The following DAB1 variants were observed in gnomAD, a reference collection of about 807,000 sequenced individuals.
DAB1 encodes disabled homolog 1.
A neutral mutation model predicts 64.6 loss-of-function variants in DAB1; 15 were observed. The observed-to-expected ratio is 0.23, with a 90% confidence interval of 0.16 to 0.36. DAB1 has a LOEUF of 0.36. DAB1 is among the 10% of genes least tolerant of loss of function. The pLI is 1.00. For synonymous variants in DAB1, 235 were observed against 251.9 expected, an observed-to-expected ratio of 0.93 and a Z score of 0.64; for missense variants, 596 against 706.7, an observed-to-expected ratio of 0.84 and a Z score of 1.78.
chr1:57,347,462 A>T (rs555929447), intron 1 of DAB1, among the ~76,000 whole-genome samples: 22 of 152,222 alleles, frequency 1.4e-4, no homozygotes, highest in Middle Eastern at 6.8e-3. Context: ...AGCTCTGTAA[A>T]CTCTAATTTG....
chr1:58,434,049 T>C (rs1266527930), intron 3 of DAB1, among the ~76,000 whole-genome samples: 1 of 151,854 alleles, frequency 6.6e-6, no homozygotes, highest in Non-Finnish European at 1.5e-5. Context: ...AGAGGTGACA[T>C]CAAAAAGAGA....
At chr1:58,166,330 GCTAAGCTCCAGGCAACCA>G (rs912306062) in intron 4 of DAB1, among the ~76,000 whole-genome samples, 2 of 152,094 alleles carry the variant, frequency 1.3e-5, no homozygotes, top group African/African-American at 4.8e-5. Context: ...CTGTTCCCAC[GCTAAGCTCCAGGCAACCA>G]CTAATCTACC....
chr1:58,226,363 A>C (rs535207534), intron 4 of DAB1, among the ~76,000 whole-genome samples: 1 of 152,096 alleles, frequency 6.6e-6, no homozygotes, highest in Admixed American at 6.5e-5. Context: ...CAGCCCTTAA[A>C]GGTAGACATT....
intron 5 of DAB1, among the ~76,000 whole-genome samples, chr1:58,052,674 A>G (rs1168104116): frequency 1.3e-5 from 2 of 152,202 alleles, no homozygotes; most frequent in African/African-American, 4.8e-5. Context: ...CTTCCTATCC[A>G]TAAGCATGGA....
At chr1:58,049,210 C>T (rs1647457841) in intron 5 of DAB1, 1 of 768,662 alleles carries the variant, frequency 1.3e-6, no homozygotes, top group Admixed American at 1.7e-5. Context: ...CTCAGGTTCT[C>T]ATCAGTGGTG....
intron 5 of DAB1, among the ~76,000 whole-genome samples, chr1:57,965,894 ATTTCTCTATC>A (rs1645652202): frequency 6.6e-6 from 1 of 152,018 alleles, no homozygotes; most frequent in African/African-American, 2.4e-5. Context: ...ATTGTGGCAA[ATTTCTCTATC>A]TTTCTGAGAT....
At chr1:58,379,152 C>T (rs1012158599) in intron 3 of DAB1, among the ~76,000 whole-genome samples, 15 of 151,300 alleles carry the variant, frequency 9.9e-5, no homozygotes, top group East Asian at 2.0e-4. Flanking sequence ...GCGTCGCTCA[C>T]GCTGGGAGCT....
intron 2 of DAB1, among the ~76,000 whole-genome samples, chr1:57,182,450 G>C (rs1158014766): frequency 2.0e-5 from 3 of 152,216 alleles, no homozygotes; most frequent in Non-Finnish European, 4.4e-5. Flanking sequence ...TACGGGGCTA[G>C]AGCCCACAAC....
chr1:57,922,930 C>T (rs569953209), intron 5 of DAB1, among the ~76,000 whole-genome samples: 113 of 151,270 alleles, frequency 7.5e-4, no homozygotes, highest in African/African-American at 2.7e-3. Flanking sequence ...TTGACTACAG[C>T]TCTTTTCTAT....
At position 57,151,418 on chromosome 1, in the gene DAB1, C is replaced by T. The variant is rs554317489; in HGVS notation, c.68-5989G>A. 1.2e-4 allele frequency among the ~76,000 whole-genome samples: 18 copies of T among 152,140 alleles called. No homozygotes were observed. The South Asian group carries it at 3.5e-3, about 30-fold the overall frequency. On this transcript the variant is annotated intron_variant, in intron 2 of 14. Coordinates refer to ENST00000371236, the MANE Select transcript of DAB1 (RefSeq NM_001365792.1). ...CTAGTGGGAAGTCAATGGAGTTTTGCTGTAATTTTCTAAGTTTAGTGTAAT... is the reference window on the plus strand; with the variant it reads ...CTAGTGGGAAGTCAATGGAGTTTTGTTGTAATTTTCTAAGTTTAGTGTAAT...
At chr1:58,179,444 G>A (rs1015000691) in intron 4 of DAB1, among the ~76,000 whole-genome samples, 2 of 151,966 alleles carry the variant, frequency 1.3e-5, no homozygotes, top group Admixed American at 6.6e-5. Context: ...GTTAGAATTC[G>A]CCAGTAAAGC....
intron 5 of DAB1, among the ~76,000 whole-genome samples, chr1:57,946,304 C>G (rs1395096390): frequency 6.6e-6 from 1 of 152,226 alleles, no homozygotes; most frequent in Non-Finnish European, 1.5e-5. Flanking sequence ...GTGGAGCCCT[C>G]TCTCTCCTTA....
chr1:57,649,399 C>T (rs1042153018), intron 7 of DAB1, among the ~76,000 whole-genome samples: 3 of 152,118 alleles, frequency 2.0e-5, no homozygotes, highest in African/African-American at 7.2e-5. Flanking sequence ...ACCATAAACA[C>T]AAAGCCGACT....
At chr1:57,359,654 T>C (rs891918861) in intron 1 of DAB1, among the ~76,000 whole-genome samples, 10 of 152,028 alleles carry the variant, frequency 6.6e-5, no homozygotes, top group Middle Eastern at 6.8e-3. Context: ...TTTATAGCAA[T>C]ACATTTATAA....
At chr1:57,707,134 A>C (rs924933620) in intron 6 of DAB1, among the ~76,000 whole-genome samples, 1 of 152,044 alleles carries the variant, frequency 6.6e-6, no homozygotes, top group Non-Finnish European at 1.5e-5. Flanking sequence ...ATCACTACAA[A>C]GACCATCCTC....
chr1:58,480,849 G>T (rs1004330942), intron 3 of DAB1: 2 of 648,992 alleles, frequency 3.1e-6, no homozygotes, highest in Non-Finnish European at 5.2e-6. Flanking sequence ...TAATGTACAT[G>T]ATTTGACCCT....
chr1:57,534,928 CAG>C (rs1292031880), intron 7 of DAB1, among the ~76,000 whole-genome samples: 1 of 152,160 alleles, frequency 6.6e-6, no homozygotes, highest in Non-Finnish European at 1.5e-5. Flanking sequence ...TCAGGCTTTA[CAG>C]AGTCTTCTTA....
At chr1:57,485,332 A>G (rs1644076711) in intron 7 of DAB1, among the ~76,000 whole-genome samples, 1 of 152,176 alleles carries the variant, frequency 6.6e-6, no homozygotes, top group South Asian at 2.1e-4. Context: ...TTTTACTAGC[A>G]TTGTAACTCT....
At chr1:57,129,667 T>C (rs943678098) in intron 4 of DAB1, among the ~76,000 whole-genome samples, 4 of 152,166 alleles carry the variant, frequency 2.6e-5, no homozygotes, top group Admixed American at 2.0e-4. Context: ...GGAGATCTCA[T>C]GGCTCGCTTC....
Sources: allele counts gnomAD v4.1 joint callset (sites outside exome capture counted in the v4.1 genomes callset), GRCh38; gene constraint gnomAD v4.1.1; transcripts MANE v1.5; gene names NCBI Gene and HGNC (gene_info 2026-07-23, HGNC 2026-07-21).